Variants in CDH4 observed in about 807,000 individuals in gnomAD.
CDH4 encodes the protein cadherin-4.
Under a neutral mutation model 86.0 loss-of-function variants are expected in CDH4, and 33 were observed. The observed-to-expected ratio is 0.38, with a 90% CI of 0.29 to 0.51. CDH4 has a LOEUF of 0.51. Ranked by LOEUF, CDH4 falls within the 20% of genes least tolerant of loss-of-function variation. The pLI is 0.86. For synonymous variants in CDH4, 555 were observed against 549.4 expected, an observed-to-expected ratio of 1.01 and a Z score of -0.14; for missense variants, 1,114 against 1,307.4, an observed-to-expected ratio of 0.85 and a Z score of 2.28.
intron 2 of CDH4, among the ~76,000 whole-genome samples, chr20:61,588,796 T>G (rs936732834): frequency 8.5e-5 from 13 of 152,326 alleles, no homozygotes; most frequent in South Asian, 6.2e-4. Context: ...CGACAAAACC[T>G]TGCACCTCAT....
At chr20:61,882,408 T>C (rs1006630852) in intron 7 of CDH4, among the ~76,000 whole-genome samples, 6 of 152,234 alleles carry the variant, frequency 3.9e-5, no homozygotes, top group Non-Finnish European at 7.3e-5. Flanking sequence ...AGGTGCAGTT[T>C]GTATTAATCT....
At chr20:61,273,547 G>T in intron 2 of CDH4, among the ~76,000 whole-genome samples, 1 of 138,632 alleles carries the variant, frequency 7.2e-6, no homozygotes, top group East Asian at 2.3e-4. Context: ...ACCGTGTGCA[G>T]TTTGGAGGAG....
intron 2 of CDH4, among the ~76,000 whole-genome samples, chr20:61,693,884 C>CTTTTTTTTTT (rs11479778): frequency 4.8e-5 from 4 of 82,700 alleles, no homozygotes; most frequent in Non-Finnish European, 6.5e-5. Flanking sequence ...CTCTTTCTTT[C>CTTTTTTTTTT]TTTTTTTTTT....
rs1281087765 is a variant in CDH4 at position 61,647,542 on chromosome 20, T to TCTCTCTCTCTCTCTCTCTCC, written c.170-96018_170-96017insTCTCTCTCTCTCTCTCCCTC. Among the ~76,000 whole-genome samples the TCTCTCTCTCTCTCTCTCTCC allele has an allele frequency of 1.8e-4, 19 of 108,298 alleles. 2 individuals carry two copies. The highest frequency in any genetic ancestry group is 2.8e-4 in the South Asian group (1 of 3,554). The allele number at this position is 108,298 out of a possible 152,430, so 71.0% of individuals were successfully genotyped here. ...CACACATATTCTCTCTCCCTCTCCC[T>TCTCTCTCTCTCTCTCTCTCC]CTCCCTCTCCCTCTCCCTCTCCCTC... On this transcript the variant is annotated intron_variant, in intron 2 of 15. Transcript: ENST00000614565.
intron 2 of CDH4, among the ~76,000 whole-genome samples, chr20:61,281,134 G>T (rs1445004186): frequency 6.6e-6 from 1 of 152,220 alleles, no homozygotes; most frequent in Non-Finnish European, 1.5e-5. Flanking sequence ...CAGACGGAGA[G>T]GACCGTGCTT....
intron 2 of CDH4, among the ~76,000 whole-genome samples, chr20:61,262,759 C>A (rs2084134592): frequency 6.6e-6 from 1 of 150,730 alleles, no homozygotes; most frequent in South Asian, 2.1e-4. Context: ...TCCTTACCTC[C>A]CACCCTCCTT....
chr20:61,307,236 A>G (rs558302312), intron 2 of CDH4, among the ~76,000 whole-genome samples: 290 of 152,350 alleles, frequency 1.9e-3, no homozygotes, highest in Non-Finnish European at 3.6e-3. Flanking sequence ...ACATGCTCCA[A>G]CACGCCTTGC....
intron 2 of CDH4, among the ~76,000 whole-genome samples, chr20:61,444,631 TTG>T (rs1253482229): frequency 5.4e-5 from 8 of 149,322 alleles, no homozygotes; most frequent in Admixed American, 4.0e-4. Context: ...GTGTGTATAT[TTG>T]TGTGTTTCTG....
chr20:61,331,272 T>C (rs1011555789), intron 2 of CDH4, among the ~76,000 whole-genome samples: 17 of 151,972 alleles, frequency 1.1e-4, no homozygotes, highest in African/African-American at 3.6e-4. Flanking sequence ...CTCAGCCTGT[T>C]CTCACTGCCC....
intron 4 of CDH4, among the ~76,000 whole-genome samples, chr20:61,830,967 G>A (rs1981579148): frequency 6.6e-6 from 1 of 152,202 alleles, no homozygotes; most frequent in African/African-American, 2.4e-5. Context: ...CCTGGAGTGG[G>A]GTTTGAAGCT....
At position 61,923,438 on chromosome 20, in the gene CDH4, T is replaced by A. The variant is rs1764011027; in HGVS notation, c.1375-13T>A. On this transcript the variant is annotated splice_polypyrimidine_tract_variant and intron_variant, in intron 9 of 15. Transcript: ENST00000614565. ...TGTGCCAGGTCACTCCCAGCCCTGA[T>A]CTGTTGTTCCAGGCAGTCGACTACG... is the stretch of plus-strand genomic sequence containing the variant. 2.5e-6 allele frequency: 4 copies of A among 1,613,686 alleles called. No homozygotes were observed. The highest frequency in any genetic ancestry group is 3.4e-6 in the Non-Finnish European group (4 of 1,179,704).
chr20:61,918,548 G>C (rs1490117644), intron 9 of CDH4, among the ~76,000 whole-genome samples: 1 of 152,162 alleles, frequency 6.6e-6, no homozygotes, highest in African/African-American at 2.4e-5. Context: ...CGCAGTGAGA[G>C]GTGACAGCGT....
chr20:61,345,709 T>A (rs561645109), intron 2 of CDH4, among the ~76,000 whole-genome samples: 24 of 152,228 alleles, frequency 1.6e-4, no homozygotes, highest in Non-Finnish European at 2.9e-4. Context: ...TGCACTGAGA[T>A]CCTGAATGGA....
chr20:61,721,576 C>A (rs892375515), intron 2 of CDH4, among the ~76,000 whole-genome samples: 6 of 152,204 alleles, frequency 3.9e-5, no homozygotes, highest in Non-Finnish European at 4.4e-5. Context: ...AAAAACAATT[C>A]TTTATCAAGA....
chr20:61,351,352 G>C lies in CDH4; in HGVS notation c.169+96415G>C, dbSNP rs193252226. 5.9e-5 allele frequency among the ~76,000 whole-genome samples: 9 copies of C among 152,272 alleles called. No individual in the cohort carries two copies. In the East Asian group the frequency reaches 1.7e-3, roughly 29 times the overall value. On this transcript the variant is annotated intron_variant, in intron 2 of 15. Transcript: ENST00000614565. Reference sequence around the variant, plus strand: ...CAGAGGTGATTTCAAGTCTATGCGAGGGGGTGCCTGGATTCTACGCACACA... The same window carrying C: ...CAGAGGTGATTTCAAGTCTATGCGACGGGGTGCCTGGATTCTACGCACACA...
intron 8 of CDH4, among the ~76,000 whole-genome samples, chr20:61,905,262 T>C (rs2054776394): frequency 6.6e-6 from 1 of 152,152 alleles, no homozygotes; most frequent in Non-Finnish European, 1.5e-5. Flanking sequence ...CTAAACCAGA[T>C]TTATCAGCTA....
Position 61,575,730 on chromosome 20 carries a change from A to G in CDH4, c.170-167833A>G, listed in dbSNP as rs137912887. 1.5e-3 allele frequency among the ~76,000 whole-genome samples: 234 copies of G among 152,162 alleles called. 2 individuals carry two copies. The highest frequency in any genetic ancestry group is 5.5e-3 in the African/African-American group (227 of 41,428). ...GCAGAGTTGAGTAATTGTAGTAGTG[A>G]CCTTACCCAACCTGAGAGATTTATT... On this transcript the variant is annotated intron_variant, in intron 2 of 15. Transcript: ENST00000614565.
chr20:61,460,466 GGT>G (rs1275477640), intron 2 of CDH4, among the ~76,000 whole-genome samples: 1 of 152,200 alleles, frequency 6.6e-6, no homozygotes, highest in East Asian at 1.9e-4. Context: ...CCCAACCAAA[GGT>G]GGGCAGTAGG....
intron 2 of CDH4, among the ~76,000 whole-genome samples, chr20:61,351,856 A>G (rs770739937): frequency 6.6e-6 from 1 of 151,970 alleles, no homozygotes; most frequent in Non-Finnish European, 1.5e-5. Flanking sequence ...AGCTGGGACT[A>G]TGGGCAGGCG....
Sources: gnomAD v4.1 joint callset for allele counts (sites outside exome capture counted in the v4.1 genomes callset) on GRCh38, gnomAD v4.1.1 for gene constraint, MANE v1.5 for transcripts, NCBI Gene and HGNC (gene_info 2026-07-23, HGNC 2026-07-21) for gene names.